Variants in FHIT observed in about 807,000 individuals in gnomAD.
FHIT encodes fragile histidine triad diadenosine triphosphatase.
In FHIT, 19 loss-of-function variants were observed where a neutral mutation model predicts 17.9. The ratio of observed to expected loss-of-function variants is 1.06; its 90% CI spans 0.74 to 1.56. The LOEUF is 1.56. Ranked by LOEUF, FHIT falls within the 40% of genes most tolerant of loss-of-function variation. The probability of loss-of-function intolerance (pLI) is 0.00; values close to 1 mark genes in which losing one functional copy is unlikely to be tolerated. For synonymous variants in FHIT, 81 were observed against 69.7 expected (o/e 1.16, Z -0.81); for missense variants, 248 against 189.2 (o/e 1.31, Z -1.82).
intron 4 of FHIT, among the ~76,000 whole-genome samples, chr3:60,540,552 C>A (rs2036153386): frequency 6.6e-6 from 1 of 152,218 alleles, no homozygotes; most frequent in South Asian, 2.1e-4. Flanking sequence ...CTGGTGTCCG[C>A]TGCTTTGTGT....
At chr3:61,103,356 G>A (rs2035891306) in intron 2 of FHIT, among the ~76,000 whole-genome samples, 1 of 152,204 alleles carries the variant, frequency 6.6e-6, no homozygotes, top group Non-Finnish European at 1.5e-5. Context: ...CCATGTGGTT[G>A]TGCGGCTTTC....
chr3:60,728,704 T>TACACACAC (rs56012549), intron 4 of FHIT, among the ~76,000 whole-genome samples: 82 of 147,400 alleles, frequency 5.6e-4, no homozygotes, highest in African/African-American at 1.6e-3. Flanking sequence ...CACACACACA[T>TACACACAC]ACACACACAC....
chr3:59,991,170 A>T (rs926208683), intron 7 of FHIT, among the ~76,000 whole-genome samples: 9 of 152,104 alleles, frequency 5.9e-5, no homozygotes, highest in African/African-American at 2.2e-4. Context: ...GTTACTCAGC[A>T]GGTGCTCAGT....
intron 7 of FHIT, among the ~76,000 whole-genome samples, chr3:59,941,838 T>C (rs1262559877): frequency 6.6e-6 from 1 of 152,152 alleles, no homozygotes; most frequent in Non-Finnish European, 1.5e-5. Flanking sequence ...TAGGATATAG[T>C]GTGTTAAGGT....
At chr3:60,109,957 T>C (rs574506750) in intron 5 of FHIT, among the ~76,000 whole-genome samples, 1 of 152,310 alleles carries the variant, frequency 6.6e-6, no homozygotes, top group East Asian at 1.9e-4. Flanking sequence ...GCTTTGATAC[T>C]TGCTTCTCAA....
In FHIT at chr3:60,359,362, C is replaced by A. The variant is rs998856177; in HGVS notation, c.103+177498G>T. 2.1e-5 allele frequency among the ~76,000 whole-genome samples: 3 copies of A among 143,090 alleles called. No individual in the cohort carries two copies. The South Asian group carries it at 6.8e-4, about 32-fold the overall frequency. The allele number at this position is 143,090 out of a possible 152,430, so 93.9% of individuals were successfully genotyped here. A position where few individuals can be genotyped will look rare whatever the true frequency, so the allele number is the denominator to read the frequency against. On this transcript the variant is annotated intron_variant, in intron 5 of 9. Transcript: ENST00000492590. The stretch of plus-strand genomic sequence containing the variant: ...GTGGTGTGATCTTGGCTCAATGCAA[C>A]CTCCGCCTCCTGGGTTCAAGCGATT...
chr3:61,021,985 T>A (rs577547970), intron 3 of FHIT, among the ~76,000 whole-genome samples: 1 of 151,120 alleles, frequency 6.6e-6, no homozygotes, highest in African/African-American at 2.4e-5. Flanking sequence ...AGACAAGAAA[T>A]AACTAAGATC....
intron 5 of FHIT, among the ~76,000 whole-genome samples, chr3:60,386,161 T>C (rs1701002867): frequency 6.6e-6 from 1 of 152,104 alleles, no homozygotes; most frequent in Non-Finnish European, 1.5e-5. Flanking sequence ...TGTGGTTCCA[T>C]AGACGCTACT....
chr3:59,928,685 C>A (rs534375366), intron 7 of FHIT, among the ~76,000 whole-genome samples: 4 of 152,186 alleles, frequency 2.6e-5, no homozygotes, highest in Admixed American at 2.0e-4. Flanking sequence ...TTAACACATA[C>A]TAGGGCAACT....
At chr3:59,775,085 CAT>C (rs1445990849) in intron 8 of FHIT, among the ~76,000 whole-genome samples, 2 of 152,210 alleles carry the variant, frequency 1.3e-5, no homozygotes, top group Non-Finnish European at 2.9e-5. Flanking sequence ...AGTTTCGACT[CAT>C]GTGCTTATTT....
intron 4 of FHIT, among the ~76,000 whole-genome samples, chr3:60,633,138 A>C (rs2039490452): frequency 6.6e-6 from 1 of 152,238 alleles, no homozygotes; most frequent in African/African-American, 2.4e-5. Flanking sequence ...AATAACCTTC[A>C]AAGCAATTTA....
At chr3:59,793,316 A>C (rs1699645175) in intron 8 of FHIT, among the ~76,000 whole-genome samples, 1 of 152,172 alleles carries the variant, frequency 6.6e-6, no homozygotes, top group Non-Finnish European at 1.5e-5. Context: ...CCTGTTTTTC[A>C]GGCCAACTAA....
At chr3:60,596,003 C>T (rs551602263) in intron 4 of FHIT, 4 of 159,894 alleles carry the variant, frequency 2.5e-5, no homozygotes, top group South Asian at 2.0e-4. Flanking sequence ...ACACCTCTTA[C>T]CAGCTTCTTC....
intron 8 of FHIT, among the ~76,000 whole-genome samples, chr3:59,874,039 T>C (rs536125382): frequency 6.6e-6 from 1 of 152,268 alleles, no homozygotes; most frequent in East Asian, 1.9e-4. Flanking sequence ...GCACATGCAG[T>C]ACTGGGAAGT....
chr3:60,899,278 C>T (rs782244789), intron 3 of FHIT, among the ~76,000 whole-genome samples: 27 of 152,138 alleles, frequency 1.8e-4, no homozygotes, highest in African/African-American at 5.8e-4. Context: ...ATGTTTTCCT[C>T]GGAGTTGATC....
rs117985516 is a variant in FHIT, at chr3:60,039,516, T to C, written c.104-25364A>G. 3.3e-5 allele frequency among the ~76,000 whole-genome samples: 5 copies of C among 152,290 alleles called. No individual in the cohort carries two copies. In the South Asian group the frequency reaches 1.0e-3, roughly 32 times the overall value. The stretch of plus-strand genomic sequence containing the variant: ...GATGGGCAAGAGAGTCCTTGGAGAA[T>C]GCAGATAATCAAAACAGCACCTAAT... On this transcript the variant is annotated intron_variant, in intron 5 of 9. Transcript: ENST00000492590.
At chr3:59,849,817 T>C (rs548351233) in intron 8 of FHIT, among the ~76,000 whole-genome samples, 10 of 152,236 alleles carry the variant, frequency 6.6e-5, no homozygotes, top group African/African-American at 2.4e-4. Flanking sequence ...TAGAAGGAGA[T>C]ATGCATTGTT....
chr3:59,752,042 G>A, intron 9 of FHIT, 179 bp downstream of exon 9: 1 of 491,460 alleles, frequency 2.0e-6, no homozygotes. Context: ...GGAAGAGACT[G>A]GGAGGCTGGG....
intron 2 of FHIT, among the ~76,000 whole-genome samples, chr3:61,156,745 A>G (rs567041814): frequency 1.3e-5 from 2 of 152,342 alleles, no homozygotes; most frequent in East Asian, 3.9e-4. Context: ...CTTCATTAAC[A>G]TCTTTCTGTA....
Sources: gnomAD v4.1 joint callset for allele counts (sites outside exome capture counted in the v4.1 genomes callset) on GRCh38, gnomAD v4.1.1 for gene constraint, MANE v1.5 for transcripts, NCBI Gene and HGNC (gene_info 2026-07-23, HGNC 2026-07-21) for gene names.